Variants in PRSS12 observed in about 807,000 individuals in gnomAD.
PRSS12 encodes the protein serine protease 12.
PRSS12 carries 85 observed loss-of-function variants against 104.4 expected under a neutral mutation model. The ratio of observed to expected loss-of-function variants is 0.81; its 90% CI spans 0.68 to 0.98. The LOEUF is 0.98. Ranked by LOEUF, PRSS12 falls within the 50% of genes least tolerant of loss-of-function variation. The probability of loss-of-function intolerance (pLI) is 0.00; values close to 1 mark genes in which losing one functional copy is unlikely to be tolerated. For missense variants in PRSS12, 1,141 were observed against 1,139.2 expected (o/e 1.00, Z -0.02); for synonymous variants, 454 against 425.2 (o/e 1.07, Z -0.83).
chr4:118,341,623 G>C (rs1429550920), intron 1 of PRSS12, among the ~76,000 whole-genome samples: 1 of 151,590 alleles, frequency 6.6e-6, no homozygotes, highest in African/African-American at 2.4e-5. Context: ...CTGAGGTTGC[G>C]GCGAGCCGAG....
chr4:118,313,202 C>G lies in PRSS12; in HGVS notation c.1488G>C (p.Leu496=), dbSNP rs751231884. The G allele has an allele frequency of 9.2e-5, 148 of 1,612,942 alleles. 2 individuals are homozygous for G. The South Asian group carries it at 1.6e-3, about 17-fold the overall frequency. Residue 496 remains leucine (L), a splice_region_variant and synonymous_variant, in exon 7 of 13, where the codon CTG becomes CTC. Transcript: ENST00000296498. The part of the protein sequence containing the change: ...YPGGEGHRLS[L]GFPVRLMDGE... ...TTGAGAGCTGCAGCCAGTCCTCACC[C>G]AGAGAGAGCCTGTGTCCCTCGCCGC...
intron 8 of PRSS12, among the ~76,000 whole-genome samples, chr4:118,302,264 C>T (rs1247026994): frequency 1.3e-5 from 2 of 152,140 alleles, no homozygotes; most frequent in African/African-American, 2.4e-5. Context: ...ATTAAATTTG[C>T]TAATATTTTG....
chr4:118,352,294 C>G lies in PRSS12; in HGVS notation c.427G>C (p.Gly143Arg). 14 of 1,604,946 alleles carry G rather than the reference C, an allele frequency of 8.7e-6. No individual in the cohort carries two copies. The highest frequency in any genetic ancestry group is 1.3e-5 in the African/African-American group (1 of 74,992). Residue 143 changes from glycine to arginine, a missense_variant, in exon 1 of 13, where the codon GGC becomes CGC. Transcript: ENST00000296498. ...QRHNFCRSPDGAGRPWCFYGD... is the reference protein window; with the variant it reads ...QRHNFCRSPDRAGRPWCFYGD... Reference sequence around the variant, plus strand: ...TAGAAACACCAGGGTCTGCCCGCGCCGTCGGGGCTCCGACAAAAGTTGTGG... The same window carrying G: ...TAGAAACACCAGGGTCTGCCCGCGCGGTCGGGGCTCCGACAAAAGTTGTGG...
At chr4:118,298,617 C>T in intron 9 of PRSS12, 116 bp downstream of exon 9, 1 of 1,091,994 alleles carries the variant, frequency 9.2e-7, no homozygotes, top group Non-Finnish European at 1.4e-6. Flanking sequence ...TAGCACAAGA[C>T]ATGGATCTGT....
chr4:118,304,479 A>T (rs1044632324), intron 8 of PRSS12, among the ~76,000 whole-genome samples: 1 of 152,044 alleles, frequency 6.6e-6, no homozygotes, highest in East Asian at 1.9e-4. Context: ...TGTAAAATAG[A>T]TATCAGATAC....
In PRSS12 at chr4:118,352,625, G is replaced by T; in HGVS notation, c.96C>A (p.Ser32Arg). ...DSVLNDSLHHSHRHSPPAGPH... is the reference protein window; with the variant it reads ...DSVLNDSLHHRHRHSPPAGPH... ...GACCCGCAGGGGGCGAATGGCGGTG[G>T]CTGTGGTGGAGGGAATCATTGAGGA... Residue 32 changes from serine (S) to arginine (R), a missense_variant, in exon 1 of 13, where the codon AGC (serine) becomes AGA (arginine). Transcript: ENST00000296498. The T allele has an allele frequency of 1.2e-6, 2 of 1,612,160 alleles. No homozygotes were observed. Among genetic ancestry groups the T allele is most frequent in the Non-Finnish European group, 1.7e-6 (2 of 1,179,286 alleles).
At chr4:118,306,060 G>A (rs1743543253) in intron 8 of PRSS12, 1 of 152,020 alleles carries the variant, frequency 6.6e-6, no homozygotes, top group South Asian at 2.1e-4. Flanking sequence ...CAATTATTTT[G>A]GCCATATACC....
intron 1 of PRSS12, among the ~76,000 whole-genome samples, chr4:118,349,085 C>G (rs921218109): frequency 3.3e-5 from 5 of 152,170 alleles, no homozygotes; most frequent in African/African-American, 1.2e-4. Context: ...CCCCACCCTG[C>G]CCCTTCAACT....
intron 11 of PRSS12, among the ~76,000 whole-genome samples, chr4:118,293,687 C>T (rs1022330834): frequency 6.6e-6 from 1 of 152,060 alleles, no homozygotes; most frequent in Non-Finnish European, 1.5e-5. Flanking sequence ...TAAAAAGAAA[C>T]CCCAAAACTT....
chr4:118,339,463 C>T (rs1724146042), intron 1 of PRSS12, among the ~76,000 whole-genome samples: 1 of 152,076 alleles, frequency 6.6e-6, no homozygotes, highest in Non-Finnish European at 1.5e-5. Context: ...TATTATTTTC[C>T]ACATCATCAT....
At chr4:118,301,541 A>C (rs1382945694) in intron 8 of PRSS12, among the ~76,000 whole-genome samples, 1 of 152,186 alleles carries the variant, frequency 6.6e-6, no homozygotes, top group Admixed American at 6.5e-5. Context: ...AAGAAAAATG[A>C]AAGATTTTTA....
At chr4:118,302,174 G>T (rs771328662) in intron 8 of PRSS12, among the ~76,000 whole-genome samples, 1 of 152,098 alleles carries the variant, frequency 6.6e-6, no homozygotes, top group Admixed American at 6.6e-5. Flanking sequence ...TTAATTGAAT[G>T]TCTCAGTTTG....
intron 1 of PRSS12, among the ~76,000 whole-genome samples, chr4:118,340,287 G>A (rs1413392599): frequency 6.6e-6 from 1 of 152,156 alleles, no homozygotes; most frequent in Non-Finnish European, 1.5e-5. Context: ...CTGCTATATG[G>A]CAAGAAATGT....
At position 118,338,169 on chromosome 4, in the gene PRSS12, C is replaced by T. The variant is rs771382814; in HGVS notation, c.641+7G>A. On this transcript the variant is annotated splice_region_variant and intron_variant, in intron 2 of 12. Transcript: ENST00000296498. The stretch of plus-strand genomic sequence containing the variant: ...TGACTGATTTGGTCAGGGATGGGTA[C>T]ACTCACCCCAGCTGCAGCTGGTGAC... 1.4e-5 allele frequency: 22 copies of T among 1,613,784 alleles called. No individual in the cohort carries two copies. Among genetic ancestry groups the T allele is most frequent in the Non-Finnish European group, 1.8e-5 (21 of 1,179,896 alleles).
intron 12 of PRSS12, 116 bp downstream of exon 12, chr4:118,282,714 CA>C (rs1372205763): frequency 3.4e-6 from 5 of 1,454,664 alleles, no homozygotes; most frequent in Admixed American, 3.4e-5. Context: ...TCACACTAAG[CA>C]AAATTTCTCC....
Position 118,298,824 on chromosome 4 carries a change from T to A in PRSS12, c.1746A>T (p.Gln582His). 1.2e-6 allele frequency: 2 copies of A among 1,614,194 alleles called. No individual in the cohort carries two copies. Among genetic ancestry groups the A allele is most frequent in the Non-Finnish European group, 1.7e-6 (2 of 1,180,030 alleles). ...NERSLADCIK[Q>H]DIGRHNCRHS... ...GGCGGCAGTTGTGTCTTCCAATATC[T>A]TGCTTGATACAGTCAGCCAAGGACC... The change falls in exon 9 of 13, where the codon CAA (glutamine) becomes CAT (histidine). Residue 582 changes from glutamine (Q) to histidine (H), a missense_variant. Coordinates refer to ENST00000296498, the MANE Select transcript of PRSS12 (RefSeq NM_003619.4).
At chr4:118,306,835 TA>T (rs1422602533) in intron 8 of PRSS12, among the ~76,000 whole-genome samples, 2 of 152,204 alleles carry the variant, frequency 1.3e-5, no homozygotes, top group Admixed American at 1.3e-4. Flanking sequence ...TGAATATGCC[TA>T]GAAAATTTTT....
intron 5 of PRSS12, among the ~76,000 whole-genome samples, chr4:118,317,309 C>CA (rs996540956): frequency 3.4e-4 from 52 of 151,860 alleles, no homozygotes; most frequent in Admixed American, 3.3e-4. Context: ...AATTTAATTC[C>CA]AAAAAAAGTA....
intron 6 of PRSS12, among the ~76,000 whole-genome samples, chr4:118,314,226 TATA>T (rs890254673): frequency 1.1e-4 from 16 of 152,164 alleles, no homozygotes; most frequent in Admixed American, 5.2e-4. Flanking sequence ...CTCTTACTCA[TATA>T]ATAATTCCCT....
Sources: gnomAD v4.1 joint callset for allele counts (sites outside exome capture counted in the v4.1 genomes callset) on GRCh38, gnomAD v4.1.1 for gene constraint, MANE v1.5 for transcripts, NCBI Gene and HGNC (gene_info 2026-07-23, HGNC 2026-07-21) for gene names.